Variants in PHLPP1 observed in about 807,000 individuals in gnomAD.
PHLPP1 encodes the protein PH domain leucine-rich repeat-containing protein phosphatase 1.
PHLPP1 carries 42 observed loss-of-function variants against 117.2 expected under a neutral mutation model. The observed-to-expected ratio is 0.36, with a 90% confidence interval of 0.28 to 0.46. The LOEUF is 0.46. Among genes scored for constraint, PHLPP1 ranks in the 20% least tolerant of loss-of-function variants. The pLI is 1.00. For synonymous variants in PHLPP1, 1,042 were observed against 970.7 expected, an observed-to-expected ratio of 1.07 and a Z score of -1.37; for missense variants, 2,084 against 2,241.9, an observed-to-expected ratio of 0.93 and a Z score of 1.42.
At chr18:62,803,746 T>C (rs1270112511) in intron 1 of PHLPP1, among the ~76,000 whole-genome samples, 1 of 152,208 alleles carries the variant, frequency 6.6e-6, no homozygotes, top group Admixed American at 6.5e-5. Context: ...GGTATTTATG[T>C]TTTAACTTTA....
In PHLPP1 at chr18:62,750,345, A is replaced by ATC. The variant is rs141803461; in HGVS notation, c.1576+33100_1576+33101dup. On this transcript the variant is annotated intron_variant, in intron 1 of 16. Transcript: ENST00000262719. ...TTTCACCTAGACAAGTCTAGTAATAATCTCTCTCTCTCTCTGTCTCTCCCT... is the reference window on the plus strand; with the variant it reads ...TTTCACCTAGACAAGTCTAGTAATAATCTCTCTCTCTCTCTCTGTCTCTCCCT... Among the ~76,000 whole-genome samples, 55 of 150,568 alleles carry ATC rather than the reference A, an allele frequency of 3.7e-4. 1 individual carries two copies. The highest frequency in any genetic ancestry group is 6.4e-4 in the Non-Finnish European group (43 of 67,502).
chr18:62,919,943 G>A lies in PHLPP1; in HGVS notation c.2805-16G>A, dbSNP rs758076544. On this transcript the variant is annotated splice_polypyrimidine_tract_variant and intron_variant, in intron 9 of 16. Transcript: ENST00000262719. The stretch of plus-strand genomic sequence containing the variant: ...ACTCTTTTTCATTTTTTGGTCTTTT[G>A]TCCCTTTTTATACAGCTTATTTTGT... The A allele has an allele frequency of 2.6e-6, 4 of 1,561,352 alleles. No homozygotes were observed. The highest frequency in any genetic ancestry group is 2.4e-5 in the South Asian group (2 of 83,970).
intron 12 of PHLPP1, among the ~76,000 whole-genome samples, chr18:62,955,838 TACTC>T (rs1373598448): frequency 1.3e-5 from 2 of 152,218 alleles, no homozygotes; most frequent in Non-Finnish European, 2.9e-5. Context: ...CATCCTAAAT[TACTC>T]ACACTTATTA....
chr18:62,951,258 GGC>G (rs1299137182), intron 12 of PHLPP1, among the ~76,000 whole-genome samples: 2 of 152,106 alleles, frequency 1.3e-5, no homozygotes, highest in Non-Finnish European at 2.9e-5. Context: ...TGGGATTACA[GGC>G]GTGAGCCACC....
At chr18:62,884,569 G>A (rs1275978685) in intron 4 of PHLPP1, among the ~76,000 whole-genome samples, 1 of 152,246 alleles carries the variant, frequency 6.6e-6, no homozygotes, top group Non-Finnish European at 1.5e-5. Context: ...CAGGCCCAGA[G>A]CGACGCTTAC....
At chr18:62,770,996 A>G (rs1450822052) in intron 1 of PHLPP1, among the ~76,000 whole-genome samples, 2 of 152,134 alleles carry the variant, frequency 1.3e-5, no homozygotes, top group Non-Finnish European at 2.9e-5. Flanking sequence ...AGGTGGGTGG[A>G]TCACCTGAGG....
chr18:62,821,942 T>G (rs1914470867), intron 1 of PHLPP1, among the ~76,000 whole-genome samples: 1 of 152,028 alleles, frequency 6.6e-6, no homozygotes. Flanking sequence ...AAAAATTTTT[T>G]TTAATTAGCC....
intron 3 of PHLPP1, among the ~76,000 whole-genome samples, chr18:62,841,494 G>C (rs1452834203): frequency 6.7e-6 from 1 of 150,192 alleles, no homozygotes; most frequent in African/African-American, 2.4e-5. Flanking sequence ...CACCATACCC[G>C]GCTAATTTTT....
intron 1 of PHLPP1, among the ~76,000 whole-genome samples, chr18:62,788,381 G>A (rs1308235809): frequency 1.3e-5 from 2 of 152,132 alleles, no homozygotes; most frequent in African/African-American, 2.4e-5. Context: ...CAGTGCATGT[G>A]TAATCTCACT....
At position 62,715,656 on chromosome 18, in the gene PHLPP1, T is replaced by TG. The variant is rs140365112; in HGVS notation, c.-21dup. 4.6e-3 allele frequency: 5,804 copies of TG among 1,261,002 alleles called. 266 individuals carry two copies. In the South Asian group the frequency reaches 0.11, roughly 25 times the overall value. The allele number at this position is 1,261,002 out of a possible 1,614,324, so 78.1% of individuals were successfully genotyped here. On this transcript the variant is annotated 5_prime_UTR_variant, in exon 1 of 17. Coordinates refer to ENST00000262719, the MANE Select transcript of PHLPP1 (RefSeq NM_194449.4). ...CCTCTCCGCCCGCTGCCTCCGGAGC[T>TG]GGGGGGGAAACGCGAAGCCCCACTG...
intron 1 of PHLPP1, among the ~76,000 whole-genome samples, chr18:62,761,373 C>G (rs1279294340): frequency 6.6e-6 from 1 of 152,034 alleles, no homozygotes; most frequent in South Asian, 2.1e-4. Context: ...TGGCTCACGC[C>G]TGTAATCCCA....
chr18:62,783,938 G>A (rs144997893), intron 1 of PHLPP1, among the ~76,000 whole-genome samples: 28 of 152,268 alleles, frequency 1.8e-4, no homozygotes, highest in Non-Finnish European at 3.5e-4. Context: ...AAGAAAGATG[G>A]CCACAGCAAG....
At chr18:62,925,010 T>C (rs542251329) in intron 10 of PHLPP1, among the ~76,000 whole-genome samples, 1 of 152,198 alleles carries the variant, frequency 6.6e-6, no homozygotes, top group Non-Finnish European at 1.5e-5. Context: ...TATTCTAATC[T>C]AGATCATGGG....
intron 10 of PHLPP1, among the ~76,000 whole-genome samples, chr18:62,920,419 G>C (rs1391871963): frequency 1.3e-5 from 2 of 152,076 alleles, no homozygotes; most frequent in African/African-American, 4.8e-5. Context: ...GTTACTACCT[G>C]GTCACATCCC....
intron 12 of PHLPP1, among the ~76,000 whole-genome samples, chr18:62,958,193 A>T (rs1374518179): frequency 6.6e-6 from 1 of 152,208 alleles, no homozygotes; most frequent in African/African-American, 2.4e-5. Context: ...AAGTGCTGGG[A>T]TTATAAGCGT....
At chr18:62,912,371 T>G (rs1399335595) in intron 8 of PHLPP1, among the ~76,000 whole-genome samples, 1 of 150,252 alleles carries the variant, frequency 6.7e-6, no homozygotes, top group East Asian at 1.9e-4. Flanking sequence ...TTTTTTATTA[T>G]AAATATATAA....
chr18:62,801,677 C>A (rs1913790298), intron 1 of PHLPP1, among the ~76,000 whole-genome samples: 1 of 152,036 alleles, frequency 6.6e-6, no homozygotes, highest in Non-Finnish European at 1.5e-5. Context: ...GTCTCAAACT[C>A]CTGACGTCAA....
At position 62,978,187 on chromosome 18, in the gene PHLPP1, G is replaced by C; in HGVS notation, c.3985-75G>C. On this transcript the variant is annotated intron_variant, in intron 16 of 16. Transcript: ENST00000262719. This position sits in a 1 kb window ranked among gnomAD's most constrained non-coding sequence, Gnocchi z 7.0. ...GGTCCTACAGTCGAGACAGTCGAGG[G>C]ACCCGCAGGGAACCTGCACAGTTGC... is the stretch of plus-strand genomic sequence containing the variant. The C allele has an allele frequency of 1.2e-6, 1 of 808,370 alleles. No individual in the cohort carries two copies. The highest frequency in any genetic ancestry group is 2.0e-6 in the Non-Finnish European group (1 of 497,728). The allele number at this position is 808,370 out of a possible 1,614,324, so 50.1% of individuals were successfully genotyped here.
At chr18:62,795,087 G>A (rs1000422315) in intron 1 of PHLPP1, among the ~76,000 whole-genome samples, 5 of 152,062 alleles carry the variant, frequency 3.3e-5, no homozygotes, top group Non-Finnish European at 7.4e-5. Flanking sequence ...AAAGGACTAG[G>A]TAATAAATAT....
Sources: allele counts gnomAD v4.1 joint callset (sites outside exome capture counted in the v4.1 genomes callset), GRCh38; gene constraint gnomAD v4.1.1; non-coding constraint Gnocchi (gnomAD v3.1); transcripts MANE v1.5; gene names NCBI Gene and HGNC (gene_info 2026-07-23, HGNC 2026-07-21).